The following TMTC2 variants were observed in gnomAD, a reference collection of about 807,000 sequenced individuals.
TMTC2 encodes protein O-mannosyl-transferase TMTC2.
In TMTC2, 43 loss-of-function variants were observed where a neutral mutation model predicts 82.4. That is an observed-to-expected ratio of 0.52 (90% CI 0.41 to 0.67). The LOEUF is 0.67. Among genes scored for constraint, TMTC2 ranks in the 30% least tolerant of loss-of-function variants. The pLI is 0.00. For missense variants in TMTC2, 919 were observed against 1,012.4 expected, an observed-to-expected ratio of 0.91 and a Z score of 1.25; for synonymous variants, 408 against 381.9, an observed-to-expected ratio of 1.07 and a Z score of -0.80.
intron 3 of TMTC2, among the ~76,000 whole-genome samples, chr12:82,914,353 T>C (rs1288152153): frequency 6.6e-6 from 1 of 152,148 alleles, no homozygotes; most frequent in Non-Finnish European, 1.5e-5. Flanking sequence ...TAGTATTTAC[T>C]TTTGCCCTGT....
At chr12:82,834,554 C>A (rs908132873) in intron 1 of TMTC2, among the ~76,000 whole-genome samples, 13 of 152,314 alleles carry the variant, frequency 8.5e-5, no homozygotes, top group African/African-American at 2.9e-4. Flanking sequence ...TCGCTCTTTG[C>A]TGGATGGAAT....
intron 1 of TMTC2, among the ~76,000 whole-genome samples, chr12:82,833,615 TA>T (rs957035048): frequency 1.3e-5 from 2 of 152,218 alleles, no homozygotes; most frequent in African/African-American, 4.8e-5. Flanking sequence ...ACAAAAATCC[TA>T]AATAAATCTG....
chr12:83,106,301 A>G (rs1337674825), intron 11 of TMTC2, among the ~76,000 whole-genome samples: 1 of 152,130 alleles, frequency 6.6e-6, no homozygotes, highest in East Asian at 1.9e-4. Flanking sequence ...GGCGTTCGAG[A>G]CCAGCCTGAC....
At chr12:83,092,150 T>G (rs912761006) in intron 11 of TMTC2, among the ~76,000 whole-genome samples, 9 of 152,214 alleles carry the variant, frequency 5.9e-5, no homozygotes, top group African/African-American at 2.2e-4. Context: ...ACTGGCCTCT[T>G]ACTCTCTTCC....
At chr12:82,870,648 A>G (rs1395018233) in intron 2 of TMTC2, among the ~76,000 whole-genome samples, 2 of 152,204 alleles carry the variant, frequency 1.3e-5, no homozygotes, top group Non-Finnish European at 2.9e-5. Context: ...TTGTAACTCC[A>G]GAAATGCGGT....
intron 1 of TMTC2, among the ~76,000 whole-genome samples, chr12:82,717,133 G>T (rs1873938623): frequency 6.6e-6 from 1 of 151,866 alleles, no homozygotes; most frequent in African/African-American, 2.4e-5. Context: ...GCAGTTCTGT[G>T]ATAAAATTCT....
intron 1 of TMTC2, among the ~76,000 whole-genome samples, chr12:82,708,058 TA>T (rs1873450403): frequency 6.6e-6 from 1 of 152,214 alleles, no homozygotes; most frequent in Non-Finnish European, 1.5e-5. Flanking sequence ...TCTGTTTTTT[TA>T]AACCAGCCAC....
chr12:83,039,677 T>A (rs879626467), intron 9 of TMTC2, among the ~76,000 whole-genome samples: 1 of 152,122 alleles, frequency 6.6e-6, no homozygotes, highest in African/African-American at 2.4e-5. Context: ...TAATAGTAGA[T>A]AAATTCTTTA....
intron 4 of TMTC2, among the ~76,000 whole-genome samples, chr12:82,956,581 G>A (rs1293939435): frequency 1.3e-5 from 2 of 152,000 alleles, no homozygotes; most frequent in Non-Finnish European, 1.5e-5. Flanking sequence ...TCCCTCCCAA[G>A]TAGCTGGGAT....
At chr12:82,927,798 C>T (rs1041702626) in intron 3 of TMTC2, among the ~76,000 whole-genome samples, 18 of 152,308 alleles carry the variant, frequency 1.2e-4, no homozygotes, top group African/African-American at 4.1e-4. Context: ...ACCAAGGGCT[C>T]AGATGATTGT....
chr12:83,101,905 C>T (rs1884229728), intron 11 of TMTC2, among the ~76,000 whole-genome samples: 1 of 152,098 alleles, frequency 6.6e-6, no homozygotes, highest in African/African-American at 2.4e-5. Context: ...GCATATTGGA[C>T]AAATAATTGC....
chr12:82,829,344 C>T (rs932111699), intron 1 of TMTC2, among the ~76,000 whole-genome samples: 2 of 152,170 alleles, frequency 1.3e-5, no homozygotes, highest in African/African-American at 4.8e-5. Flanking sequence ...GTCCTTACCT[C>T]TCTATAATTT....
chr12:83,130,401 T>A (rs1281022588), intron 11 of TMTC2, among the ~76,000 whole-genome samples: 1 of 152,220 alleles, frequency 6.6e-6, no homozygotes, highest in Non-Finnish European at 1.5e-5. Flanking sequence ...CATTTAGAGC[T>A]ATGTTTATTT....
intron 11 of TMTC2, among the ~76,000 whole-genome samples, chr12:83,099,201 T>TA (rs1884131543): frequency 1.3e-5 from 2 of 152,330 alleles, no homozygotes; most frequent in Admixed American, 1.3e-4. Flanking sequence ...AGCTATTTCC[T>TA]AGGGAGCTCC....
chr12:82,897,049 G>A (rs960848753), intron 3 of TMTC2, among the ~76,000 whole-genome samples: 3 of 152,104 alleles, frequency 2.0e-5, no homozygotes, highest in African/African-American at 7.2e-5. Context: ...TATTTTCCAA[G>A]CATCGCCTGA....
intron 11 of TMTC2, among the ~76,000 whole-genome samples, chr12:83,091,028 G>A (rs1883829930): frequency 6.6e-6 from 1 of 152,118 alleles, no homozygotes; most frequent in Non-Finnish European, 1.5e-5. Context: ...AAGTGTCTGG[G>A]TGGTTTGTTA....
At chr12:82,996,543 T>G (rs866998515) in intron 8 of TMTC2, among the ~76,000 whole-genome samples, 49 of 152,328 alleles carry the variant, frequency 3.2e-4, no homozygotes, top group African/African-American at 1.2e-3. Flanking sequence ...GAGCATATAC[T>G]GTAATTCAGT....
intron 10 of TMTC2, among the ~76,000 whole-genome samples, chr12:83,060,729 C>T (rs1882710317): frequency 6.6e-6 from 1 of 151,720 alleles, no homozygotes; most frequent in Admixed American, 6.6e-5. Flanking sequence ...AGAAGGTCTT[C>T]TGAAGCAGCA....
At position 82,857,001 on chromosome 12, in the gene TMTC2, GT is replaced by G; in HGVS notation, c.84-3del. 1 of 1,585,720 alleles carries G rather than the reference GT, an allele frequency of 6.3e-7. No individual in the cohort carries two copies. On this transcript the variant is annotated splice_polypyrimidine_tract_variant and splice_region_variant and intron_variant, in intron 1 of 11. Transcript: ENST00000321196. ...TACATTTGATTTTTTTTAACGTTTT[GT>G]TTTTTAGCCGTGCTATCAAGACTAA...
Sources: gnomAD v4.1 joint callset for allele counts (sites outside exome capture counted in the v4.1 genomes callset) on GRCh38, gnomAD v4.1.1 for gene constraint, MANE v1.5 for transcripts, NCBI Gene and HGNC (gene_info 2026-07-23, HGNC 2026-07-21) for gene names.